The following LTBP3 variants were observed in gnomAD, a reference collection of about 807,000 sequenced individuals.
LTBP3 encodes latent transforming growth factor beta binding protein 3.
LTBP3 carries 97 observed loss-of-function variants against 159.7 expected under a neutral mutation model. The ratio of observed to expected loss-of-function variants is 0.61; its 90% CI spans 0.52 to 0.72. LTBP3 has a LOEUF of 0.72. Ranked by LOEUF, LTBP3 falls within the 30% of genes least tolerant of loss-of-function variation. The pLI, the probability that LTBP3 is intolerant of heterozygous loss-of-function variation, is 0.00. For synonymous variants in LTBP3, 824 were observed against 777.1 expected, an observed-to-expected ratio of 1.06 and a Z score of -1.00; for missense variants, 1,584 against 1,864.3, an observed-to-expected ratio of 0.85 and a Z score of 2.77.
Position 65,547,027 on chromosome 11 carries a change from C to A in LTBP3, c.2108-107G>T. On this transcript the variant is annotated intron_variant, in intron 14 of 27. Coordinates refer to ENST00000301873, the MANE Select transcript of LTBP3 (RefSeq NM_001130144.3). This position sits in a 1 kb window ranked among gnomAD's most constrained non-coding sequence, Gnocchi z 4.6. ...CTCCCACACAGATCAACGAGGCTCCCGGACCCCAACCTCTGAGAGGCCCAG... is the reference window on the plus strand; with the variant it reads ...CTCCCACACAGATCAACGAGGCTCCAGGACCCCAACCTCTGAGAGGCCCAG... 2.0e-6 allele frequency: 3 copies of A among 1,507,302 alleles called. No individual in the cohort carries two copies. Among genetic ancestry groups the A allele is most frequent in the South Asian group, 2.3e-5 (2 of 86,336 alleles). The allele number at this position is 1,507,302 out of a possible 1,614,324, so 93.4% of individuals were successfully genotyped here. A position where few individuals can be genotyped will look rare whatever the true frequency, so the allele number is the denominator to read the frequency against.
In LTBP3 at chr11:65,546,783, G is replaced by A. The variant is rs376917383; in HGVS notation, c.2230+15C>T. ...CTGACGGCCCCACCCACTCGGCTCC[G>A]GGCCCCGCCCTCACCGCGACAGGCC... On this transcript the variant is annotated intron_variant, in intron 15 of 27. Coordinates refer to ENST00000301873, the MANE Select transcript of LTBP3 (RefSeq NM_001130144.3). This position sits in a 1 kb window ranked among gnomAD's most constrained non-coding sequence, Gnocchi z 4.0. 11 of 1,484,910 alleles carry A rather than the reference G, an allele frequency of 7.4e-6. No individual in the cohort carries two copies. Among genetic ancestry groups the A allele is most frequent in the Non-Finnish European group, 9.0e-6 (10 of 1,110,216 alleles). The allele number at this position is 1,484,910 out of a possible 1,614,324, so 92.0% of individuals were successfully genotyped here.
Position 65,539,309 on chromosome 11 carries a change from C to G in LTBP3, c.3760+19G>C. ...ACCACCGGCCCCGCCCCTGCCCCCA[C>G]CCCCGAAGCCCGGCTCACCCACGCA... On this transcript the variant is annotated intron_variant, in intron 27 of 27. Coordinates refer to ENST00000301873, the MANE Select transcript of LTBP3 (RefSeq NM_001130144.3). The G allele has an allele frequency of 1.3e-6, 2 of 1,509,034 alleles. No individual in the cohort carries two copies. The highest frequency in any genetic ancestry group is 1.8e-6 in the Non-Finnish European group (2 of 1,125,004). 93.5% of individuals were successfully genotyped at this position (1,509,034 alleles called of 1,614,324 possible).
In LTBP3 at chr11:65,546,562, C is replaced by A. The variant is rs1288422500; in HGVS notation, c.2233G>T (p.Val745Leu). 2.5e-6 allele frequency: 4 copies of A among 1,602,184 alleles called. No homozygotes were observed. The East Asian group carries it at 6.7e-5, about 27-fold the overall frequency. Residue 745 changes from valine to leucine, a missense_variant and splice_region_variant, in exon 16 of 28, where the codon GTG becomes TTG. By Grantham distance (32) the Val-to-Leu change is conservative. Coordinates refer to ENST00000301873, the MANE Select transcript of LTBP3 (RefSeq NM_001130144.3). This position sits in a 1 kb window ranked among gnomAD's most constrained non-coding sequence, Gnocchi z 4.0. ...RSQGGGACRD[V>L]NECAEGSPCS... is the part of the protein sequence containing the mutation. ...GGGCTGCCCTCGGCGCACTCGTTCA[C>A]GTCTGCGGCGGAAAGACCTAGCCTC...
At chr11:65,545,642 C>A in intron 16 of LTBP3, 1 of 230,122 alleles carries the variant, frequency 4.3e-6, no homozygotes, top group Non-Finnish European at 8.6e-6. Flanking sequence ...CACCACTCAT[C>A]CTGTCCACCA....
Position 65,553,920 on chromosome 11 carries a change from TG to T in LTBP3, c.662-18del. On this transcript the variant is annotated intron_variant, in intron 2 of 27. Transcript: ENST00000301873. The surrounding 1 kb of genome is among the most constrained non-coding windows in gnomAD (Gnocchi z 6.5). The stretch of plus-strand genomic sequence containing the variant: ...GGGCCTGCACTGGGGGCGGGCGCGG[TG>T]GCCTCAGGGCTGCCCGCACCGCGCC... 6.6e-7 allele frequency: 1 copy of T among 1,516,806 alleles called. No individual in the cohort carries two copies. The highest frequency in any genetic ancestry group is 1.4e-5 in the African/African-American group (1 of 72,894). The allele number at this position is 1,516,806 out of a possible 1,614,324, so 94.0% of individuals were successfully genotyped here. A position where few individuals can be genotyped will look rare whatever the true frequency, so the allele number is the denominator to read the frequency against.
In LTBP3 at chr11:65,547,598, T is replaced by A; in HGVS notation, c.1979-31A>T. 2 of 1,611,690 alleles carry A rather than the reference T, an allele frequency of 1.2e-6. No individual in the cohort carries two copies. Among genetic ancestry groups the A allele is most frequent in the Non-Finnish European group, 8.5e-7 (1 of 1,178,774 alleles). ...CGGGAGGAAGGGGCCACGAAGGGGG[T>A]GTAGGAGGCGGCGGGCAAGGGGAGG... is the stretch of plus-strand genomic sequence containing the variant. On this transcript the variant is annotated intron_variant, in intron 13 of 27. Transcript: ENST00000301873. This position sits in a 1 kb window ranked among gnomAD's most constrained non-coding sequence, Gnocchi z 4.6.
chr11:65,540,639 C>T (rs777271651), intron 21 of LTBP3, 25 bp from the exon 22 acceptor site: 3 of 1,592,860 alleles, frequency 1.9e-6, no homozygotes, highest in South Asian at 1.1e-5. Flanking sequence ...ACACTGGCCG[C>T]TCCGGTCCCG....
At chr11:65,541,837 G>A in intron 18 of LTBP3, 109 bp from the exon 19 acceptor site, 1 of 1,298,522 alleles carries the variant, frequency 7.7e-7, no homozygotes, top group South Asian at 1.3e-5. Context: ...TGGTTTCAAA[G>A]TATGTACAGC....
Position 65,539,845 on chromosome 11 carries a change from T to C in LTBP3, c.3422A>G (p.Gln1141Arg). 6.6e-7 allele frequency: 1 copy of C among 1,524,636 alleles called. No homozygotes were observed. Among genetic ancestry groups the C allele is most frequent in the Non-Finnish European group, 8.8e-7 (1 of 1,142,812 alleles). 94.4% of individuals were successfully genotyped at this position (1,524,636 alleles called of 1,614,324 possible). A position where few individuals can be genotyped will look rare whatever the true frequency, so the allele number is the denominator to read the frequency against. ...APERRDVCWS[Q>R]RGEDGMCAGP... ...AGCGCACATGCCGTCCTCTCCGCGC[T>C]GGCTCCAGCACACGTCGCGCCGCTC... Residue 1141 changes from glutamine (Q) to arginine (R), a missense_variant, in exon 25 of 28, where the codon CAG (glutamine) becomes CGG (arginine). By Grantham distance (43) the Gln-to-Arg change is conservative (BLOSUM62 1). This residue lies in a region of LTBP3 where 514 missense variants were observed against 530.3 expected (regional missense o/e 0.97). Coordinates refer to ENST00000301873, the MANE Select transcript of LTBP3 (RefSeq NM_001130144.3).
chr11:65,546,653 C>T lies in LTBP3; in HGVS notation c.2231-89G>A. On this transcript the variant is annotated intron_variant, in intron 15 of 27. Transcript: ENST00000301873. The surrounding 1 kb of genome is among the most constrained non-coding windows in gnomAD (Gnocchi z 4.0). Reference sequence around the variant, plus strand: ...GGGTGTGGGTCTCTTCCCTGGAACGCGGGGTTGAGAGGGCAGCCTCTACTC... The same window carrying T: ...GGGTGTGGGTCTCTTCCCTGGAACGTGGGGTTGAGAGGGCAGCCTCTACTC... The T allele has an allele frequency of 4.4e-6, 7 of 1,579,544 alleles. No individual in the cohort carries two copies. The highest frequency in any genetic ancestry group is 6.0e-6 in the Non-Finnish European group (7 of 1,170,524).
rs377032217 is a variant in LTBP3 at position 65,539,176 on chromosome 11, G to A, written c.3816C>T (p.Arg1272=). ...GGAAGGAGCCGCTGGTGTTCACGCAGCGCTCGCTCTTGCACAGCAGCCCGC... is the reference window on the plus strand; with the variant it reads ...GGAAGGAGCCGCTGGTGTTCACGCAACGCTCGCTCTTGCACAGCAGCCCGC... ...NQRGLLCKSE[R]CVNTSGSFRC... Residue 1272 remains arginine (R), a synonymous_variant, in exon 28 of 28, where the codon CGC becomes CGT. Coordinates refer to ENST00000301873, the MANE Select transcript of LTBP3 (RefSeq NM_001130144.3). 2.6e-6 allele frequency: 4 copies of A among 1,513,700 alleles called. No homozygotes were observed. Among genetic ancestry groups the A allele is most frequent in the African/African-American group, 1.4e-5 (1 of 70,090 alleles). The allele number at this position is 1,513,700 out of a possible 1,614,324, so 93.8% of individuals were successfully genotyped here.
chr11:65,557,860 G>C lies in LTBP3; in HGVS notation c.100C>G (p.Leu34Val). 7.8e-7 allele frequency: 1 copy of C among 1,281,814 alleles called. No individual in the cohort carries two copies. Among genetic ancestry groups the C allele is most frequent in the Non-Finnish European group, 9.9e-7 (1 of 1,008,174 alleles). The allele number at this position is 1,281,814 out of a possible 1,614,324, so 79.4% of individuals were successfully genotyped here. Residue 34 changes from leucine (L) to valine (V), a missense_variant, in exon 1 of 28, where the codon CTG becomes GTG. Transcript: ENST00000301873. ...LALLLLLLLL[L>V]LGLGGRVEGG... The stretch of plus-strand genomic sequence containing the variant: ...TCGACCCTGCCGCCCAGGCCCAGCA[G>C]CAGCAGCAGCAGCAGCAGCAGCAGC...
Position 65,540,956 on chromosome 11 carries a change from T to TGCAGGG in LTBP3, c.2894-8_2894-3dup, listed in dbSNP as rs1856105899. The TGCAGGG allele has an allele frequency of 6.2e-7, 1 of 1,612,714 alleles. No homozygotes were observed. The highest frequency in any genetic ancestry group is 8.5e-7 in the Non-Finnish European group (1 of 1,179,524). Reference sequence around the variant, plus strand: ...CTGGGCAGAGGCTGTGGAACTCGGCTGCAGGGGCAGGGCGGCCGTGGGGAG... The same window carrying TGCAGGG: ...CTGGGCAGAGGCTGTGGAACTCGGCTGCAGGGGCAGGGGCAGGGCGGCCGTGGGGAG... On this transcript the variant is annotated splice_polypyrimidine_tract_variant and splice_region_variant and intron_variant, in intron 20 of 27. Coordinates refer to ENST00000301873, the MANE Select transcript of LTBP3 (RefSeq NM_001130144.3).
intron 16 of LTBP3, chr11:65,543,763 C>A (rs1856254632): frequency 1.7e-6 from 1 of 592,834 alleles, no homozygotes; most frequent in Non-Finnish European, 3.0e-6. Context: ...GCTAAAGAGC[C>A]TCCCCAGCCT....
intron 10 of LTBP3, 78 bp downstream of exon 10, chr11:65,551,324 C>T (rs1037136001): frequency 1.2e-5 from 19 of 1,562,010 alleles, no homozygotes; most frequent in South Asian, 2.3e-5. Flanking sequence ...TGACTGTCCC[C>T]GAGTACTTAA....
intron 21 of LTBP3, 114 bp from the exon 22 acceptor site, chr11:65,540,728 G>GGCCTACAGGAGGGGCGGA: frequency 1.3e-6 from 2 of 1,537,706 alleles, no homozygotes; most frequent in Non-Finnish European, 1.8e-6. Flanking sequence ...GGAGGGGCGG[G>GGCCTACAGGAGGGGCGGA]GCCTACAGGG....
At chr11:65,551,642 T>C (rs1352859092) in intron 8 of LTBP3, 78 bp from the exon 9 acceptor site, 8 of 1,577,008 alleles carry the variant, frequency 5.1e-6, no homozygotes, top group Non-Finnish European at 7.0e-6. Flanking sequence ...AGCTGAGTAT[T>C]TGCAGTTAGG....
chr11:65,543,017 A>G, intron 18 of LTBP3, 88 bp downstream of exon 18: 1 of 1,523,630 alleles, frequency 6.6e-7, no homozygotes, highest in Non-Finnish European at 9.0e-7. Context: ...GGATGGGTGG[A>G]TGGATGGATG....
At chr11:65,539,517 C>T in intron 26 of LTBP3, 31 bp downstream of exon 26, 1 of 1,606,004 alleles carries the variant, frequency 6.2e-7, no homozygotes, top group Non-Finnish European at 8.5e-7. Context: ...AGGCTACCAA[C>T]CCCGCCACCG....
Sources: allele counts gnomAD v4.1 joint callset, GRCh38; gene constraint gnomAD v4.1.1; regional missense constraint gnomAD v4.1.1; non-coding constraint Gnocchi (gnomAD v3.1); transcripts MANE v1.5; gene names NCBI Gene and HGNC (gene_info 2026-07-23, HGNC 2026-07-21).